Variants in CHST9 observed in about 807,000 individuals in gnomAD.
The protein encoded by CHST9 is carbohydrate sulfotransferase 9, also known as GalNAc-4-sulfotransferase 2.
CHST9 carries 41 observed loss-of-function variants against 44.4 expected under a neutral mutation model. The ratio of observed to expected loss-of-function variants is 0.92; its 90% CI spans 0.72 to 1.20. The LOEUF (loss-of-function observed/expected upper bound fraction) is 1.20, where lower values mean the gene tolerates loss of function less well. Ranked by LOEUF, CHST9 falls within the 50% of genes most tolerant of loss-of-function variation. CHST9 has a pLI of 0.00. For missense variants in CHST9, 504 were observed against 516.5 expected (o/e 0.98, Z 0.23); for synonymous variants, 171 against 178.4 (o/e 0.96, Z 0.33).
At chr18:27,036,505 T>G (rs762559857) in intron 3 of CHST9, among the ~76,000 whole-genome samples, 32 of 152,224 alleles carry the variant, frequency 2.1e-4, no homozygotes, top group Middle Eastern at 6.3e-3. Flanking sequence ...GTTTTGTTTT[T>G]GTTTCCCAAC....
chr18:26,915,531 G>A lies in CHST9; in HGVS notation c.*728C>T, dbSNP rs1278826374. The A allele has an allele frequency of 6.6e-6, 1 of 152,138 alleles. No homozygotes were observed. Among genetic ancestry groups the A allele is most frequent in the African/African-American group, 2.4e-5 (1 of 41,430 alleles). 9.4% of individuals were successfully genotyped at this position (152,138 alleles called of 1,614,324 possible). A position where few individuals can be genotyped will look rare whatever the true frequency, so the allele number is the denominator to read the frequency against. ...CTCAACTGCCTGCTTCAGAAATGTAGACCTTTAGTGCTTGTGTTCATTTTG... is the reference window on the plus strand; with the variant it reads ...CTCAACTGCCTGCTTCAGAAATGTAAACCTTTAGTGCTTGTGTTCATTTTG... On this transcript the variant is annotated 3_prime_UTR_variant, in exon 6 of 6. Transcript: ENST00000618847.
chr18:26,969,378 G>C (rs562870363), intron 4 of CHST9, among the ~76,000 whole-genome samples: 1,558 of 64,394 alleles, frequency 0.024, 13 homozygotes, highest in Middle Eastern at 0.088. Flanking sequence ...CTCTCTCTCT[G>C]TGTGTGTGTG....
intron 1 of CHST9, among the ~76,000 whole-genome samples, chr18:27,180,315 C>A (rs2058902009): frequency 1.3e-5 from 2 of 152,086 alleles, no homozygotes; most frequent in Admixed American, 6.6e-5. Flanking sequence ...GTGAAATACA[C>A]ATTACTTTTA....
At chr18:26,950,170 A>C (rs2056224431) in intron 4 of CHST9, among the ~76,000 whole-genome samples, 1 of 152,250 alleles carries the variant, frequency 6.6e-6, no homozygotes, top group Non-Finnish European at 1.5e-5. Context: ...GGAGGAAAGC[A>C]CACTGCTGCT....
intron 2 of CHST9, 115 bp downstream of exon 2, chr18:27,142,574 T>C: frequency 1.3e-6 from 1 of 745,706 alleles, no homozygotes; most frequent in Non-Finnish European, 1.9e-6. Flanking sequence ...ATGACTCATT[T>C]TTTGTTGTTG....
intron 2 of CHST9, among the ~76,000 whole-genome samples, chr18:27,051,633 C>T (rs139196126): frequency 6.6e-6 from 1 of 152,126 alleles, no homozygotes; most frequent in Non-Finnish European, 1.5e-5. Flanking sequence ...AATCCATTTA[C>T]CAGCCCCAGT....
chr18:27,158,960 G>GT (rs1567943140), intron 1 of CHST9, among the ~76,000 whole-genome samples: 1 of 152,194 alleles, frequency 6.6e-6, no homozygotes, highest in Non-Finnish European at 1.5e-5. Flanking sequence ...GGGGCTGTTT[G>GT]TTTTTTTCTT....
intron 2 of CHST9, among the ~76,000 whole-genome samples, chr18:27,139,242 A>G (rs1478104666): frequency 6.6e-6 from 1 of 152,152 alleles, no homozygotes; most frequent in African/African-American, 2.4e-5. Context: ...GAATTCTCAT[A>G]TATAACTGAA....
At chr18:27,103,656 T>C (rs1297583739) in intron 2 of CHST9, among the ~76,000 whole-genome samples, 4 of 152,216 alleles carry the variant, frequency 2.6e-5, no homozygotes, top group Non-Finnish European at 5.9e-5. Context: ...ATAAGGATTA[T>C]TGAAAGAGAC....
intron 2 of CHST9, among the ~76,000 whole-genome samples, chr18:27,078,831 A>G (rs2057933282): frequency 6.6e-6 from 1 of 152,172 alleles, no homozygotes; most frequent in African/African-American, 2.4e-5. Flanking sequence ...GCACACATCC[A>G]CTTTTGACCA....
chr18:27,041,058 T>C (rs972292328), intron 3 of CHST9, among the ~76,000 whole-genome samples: 1 of 152,142 alleles, frequency 6.6e-6, no homozygotes, highest in African/African-American at 2.4e-5. Context: ...TATTGACTGA[T>C]ACAGAGATAC....
intron 2 of CHST9, among the ~76,000 whole-genome samples, chr18:27,113,520 C>T (rs1479912840): frequency 6.6e-6 from 1 of 152,072 alleles, no homozygotes; most frequent in African/African-American, 2.4e-5. Flanking sequence ...AAATCCTAAC[C>T]CCAAGGCCTT....
In CHST9 at chr18:27,142,883, A is replaced by AG; in HGVS notation, c.-75dup. The AG allele has an allele frequency of 7.1e-7, 1 of 1,418,374 alleles. No individual in the cohort carries two copies. Among genetic ancestry groups the AG allele is most frequent in the Non-Finnish European group, 9.6e-7 (1 of 1,043,426 alleles). The allele number at this position is 1,418,374 out of a possible 1,614,324, so 87.9% of individuals were successfully genotyped here. ...AACTTCAGTCTTTTCTTGTTCTCTA[A>AG]GAGCCCAATTCCATAAAGTAACCTA... On this transcript the variant is annotated 5_prime_UTR_variant, in exon 2 of 6. An upstream open reading frame in the 5' UTR loses its in-frame stop. Transcript: ENST00000618847.
chr18:26,944,826 G>A (rs2145118191), intron 4 of CHST9, among the ~76,000 whole-genome samples: 1 of 152,246 alleles, frequency 6.6e-6, no homozygotes, highest in Admixed American at 6.5e-5. Context: ...TTTCTTACGT[G>A]GGAAGTGATA....
At chr18:26,980,014 A>G (rs545491884) in intron 4 of CHST9, among the ~76,000 whole-genome samples, 1 of 152,262 alleles carries the variant, frequency 6.6e-6, no homozygotes, top group Admixed American at 6.5e-5. Flanking sequence ...AATTGCTTTT[A>G]AAGAACTTGG....
chr18:27,031,119 T>G (rs2057336014), intron 3 of CHST9, among the ~76,000 whole-genome samples: 2 of 152,198 alleles, frequency 1.3e-5, no homozygotes, highest in Non-Finnish European at 2.9e-5. Context: ...GCCATACTAT[T>G]TCTCTCTCTC....
intron 2 of CHST9, among the ~76,000 whole-genome samples, chr18:27,139,483 AC>A (rs1280522030): frequency 0.014 from 7 of 484 alleles, no homozygotes; most frequent in African/African-American, 0.071. Flanking sequence ...GTTATTTGAA[AC>A]ACACACACAC....
chr18:27,148,115 A>G (rs530032232), intron 1 of CHST9, among the ~76,000 whole-genome samples: 1 of 152,058 alleles, frequency 6.6e-6, no homozygotes, highest in African/African-American at 2.4e-5. Flanking sequence ...AACATGCAGT[A>G]TTTGGTTTTC....
intron 4 of CHST9, among the ~76,000 whole-genome samples, chr18:27,009,240 T>C (rs1273125992): frequency 6.6e-6 from 1 of 152,168 alleles, no homozygotes; most frequent in African/African-American, 2.4e-5. Flanking sequence ...CTCTATTTTA[T>C]GGATGACAAA....
Sources: gnomAD v4.1 joint callset for allele counts (sites outside exome capture counted in the v4.1 genomes callset) on GRCh38, gnomAD v4.1.1 for gene constraint, MANE v1.5 for transcripts, NCBI Gene and HGNC (gene_info 2026-07-23, HGNC 2026-07-21) for gene names.